EDA: variants seen among roughly 807,000 people sequenced by gnomAD.
The protein encoded by EDA is ectodysplasin A.
EDA carries 2 observed loss-of-function variants against 23.6 expected under a neutral mutation model. That is an observed-to-expected ratio of 0.08 (90% confidence interval 0.03 to 0.27). The LOEUF (loss-of-function observed/expected upper bound fraction) is 0.27, where lower values mean the gene tolerates loss of function less well. EDA is among the 10% of genes least tolerant of loss of function. The pLI is 1.00. For synonymous variants in EDA, 131 were observed against 132.0 expected, an observed-to-expected ratio of 0.99 and a Z score of 0.05; for missense variants, 229 against 324.2, an observed-to-expected ratio of 0.71 and a Z score of 2.26.
chrX:69,675,350 G>A (rs1432785311), intron 1 of EDA, among the ~76,000 whole-genome samples: 1 of 111,583 alleles, frequency 9.0e-6, no homozygotes, highest in Non-Finnish European at 1.9e-5. Context: ...CTTCAGATTT[G>A]CATTTCATTT....
chrX:69,786,175 G>T (rs1348594400), intron 1 of EDA, among the ~76,000 whole-genome samples: 1 of 110,045 alleles, frequency 9.1e-6, no homozygotes, highest in African/African-American at 3.3e-5. Context: ...CTATTTTATT[G>T]TCTCTTTTTT....
At chrX:69,918,200 A>C (rs1308359244) in intron 1 of EDA, among the ~76,000 whole-genome samples, 3 of 88,895 alleles carry the variant, frequency 3.4e-5, no homozygotes, top group African/African-American at 1.4e-4. Flanking sequence ...TCTGTCACCC[A>C]GGCTGGAGTG....
intron 3 of EDA, among the ~76,000 whole-genome samples, chrX:70,026,484 G>C (rs1488952709): frequency 2.7e-5 from 3 of 111,918 alleles, no homozygotes; most frequent in African/African-American, 9.8e-5. Context: ...TCTGAGGAAA[G>C]ACTTTGGGAA....
intron 1 of EDA, among the ~76,000 whole-genome samples, chrX:69,703,391 C>T (rs897851994): frequency 2.7e-5 from 3 of 111,877 alleles, no homozygotes; most frequent in African/African-American, 9.8e-5. Context: ...AGGGTGGAGG[C>T]GTAGGTCCAC....
intron 1 of EDA, among the ~76,000 whole-genome samples, chrX:69,814,693 G>C (rs973803768): frequency 1.8e-5 from 2 of 111,982 alleles, no homozygotes; most frequent in Non-Finnish European, 1.9e-5. Flanking sequence ...TTGACCAACA[G>C]AGAATGAAGA....
intron 1 of EDA, among the ~76,000 whole-genome samples, chrX:69,668,311 G>A (rs1333532015): frequency 9.0e-6 from 1 of 111,178 alleles, no homozygotes; most frequent in African/African-American, 3.3e-5. Flanking sequence ...TATAATTATG[G>A]TCTAAAGTGA....
intron 1 of EDA, among the ~76,000 whole-genome samples, chrX:69,701,904 A>T (rs1452435785): frequency 2.7e-5 from 3 of 111,160 alleles, no homozygotes; most frequent in Non-Finnish European, 5.7e-5. Flanking sequence ...CCTCTGCGCC[A>T]GTAGGCTGGG....
chrX:69,834,912 G>A (rs1373548967), intron 1 of EDA, among the ~76,000 whole-genome samples: 1 of 111,415 alleles, frequency 9.0e-6, no homozygotes, highest in African/African-American at 3.3e-5. Flanking sequence ...AGGCCTGGTG[G>A]TGACAAAATC....
chrX:69,637,986 T>C (rs1932797722), intron 1 of EDA, among the ~76,000 whole-genome samples: 1 of 111,175 alleles, frequency 9.0e-6, no homozygotes, highest in Non-Finnish European at 1.9e-5. Context: ...GAGAGCCTTC[T>C]CATGGGCACC....
At chrX:69,662,162 G>T (rs770033989) in intron 1 of EDA, among the ~76,000 whole-genome samples, 163 of 111,595 alleles carry the variant, frequency 1.5e-3, no homozygotes, top group Admixed American at 4.4e-3. Context: ...AATCACTGTT[G>T]TGTTCTCTAT....
intron 1 of EDA, among the ~76,000 whole-genome samples, chrX:69,641,570 C>T (rs145384966): frequency 1.5e-4 from 17 of 111,772 alleles, no homozygotes; most frequent in Non-Finnish European, 3.0e-4. Context: ...ACTTCTAAGC[C>T]ATGCCAGTCA....
chrX:69,945,511 A>G (rs989355962), intron 1 of EDA, among the ~76,000 whole-genome samples: 7 of 112,277 alleles, frequency 6.2e-5, no homozygotes, highest in African/African-American at 2.3e-4. Context: ...AAGCTCTGTG[A>G]AAGAGATTAG....
In EDA at chrX:69,897,831, TCAGTA is replaced by T. The variant is rs987411394; in HGVS notation, c.397-59192_397-59188del. On this transcript the variant is annotated intron_variant, in intron 1 of 7. Transcript: ENST00000374552. ...GAGCTTGATCCTATTGCCTGCTTAT[TCAGTA>T]CAGACAGAAACACTGGGAAGCACTA... Among the ~76,000 whole-genome samples the T allele has an allele frequency of 8.0e-5, 9 of 111,846 alleles. No individual in the cohort carries two copies. In the East Asian group the frequency reaches 2.5e-3, roughly 32 times the overall value.
chrX:69,758,174 C>G (rs1286953723), intron 1 of EDA, among the ~76,000 whole-genome samples: 2 of 112,410 alleles, frequency 1.8e-5, no homozygotes, highest in Non-Finnish European at 3.8e-5. Context: ...TACTTTCAAA[C>G]ATCGGGTATA....
At chrX:69,729,120 A>G (rs2012920093) in intron 1 of EDA, 1 of 111,180 alleles carries the variant, frequency 9.0e-6, no homozygotes, top group East Asian at 2.8e-4. Context: ...AGTTTCTGTC[A>G]TATCTCTCCT....
At chrX:69,806,297 A>T (rs934685237) in intron 1 of EDA, among the ~76,000 whole-genome samples, 2 of 111,431 alleles carry the variant, frequency 1.8e-5, no homozygotes, top group Non-Finnish European at 3.8e-5. Context: ...TATAATGGGG[A>T]AAGATCATTT....
At chrX:69,733,268 A>C (rs746870110) in intron 1 of EDA, among the ~76,000 whole-genome samples, 1 of 111,819 alleles carries the variant, frequency 8.9e-6, no homozygotes, top group Non-Finnish European at 1.9e-5. Context: ...ATCTTGTATT[A>C]ATTTTTGTAT....
At chrX:70,026,911 C>T (rs1035130671) in intron 3 of EDA, among the ~76,000 whole-genome samples, 1 of 109,970 alleles carries the variant, frequency 9.1e-6, no homozygotes, top group African/African-American at 3.3e-5. Context: ...AAAACTCCTT[C>T]CCATTCCTCA....
chrX:69,789,248 G>A (rs968331456), intron 1 of EDA, among the ~76,000 whole-genome samples: 23 of 111,949 alleles, frequency 2.1e-4, no homozygotes, highest in African/African-American at 5.8e-4. Context: ...GAAATCACCC[G>A]TCTTCTGCAT....
Sources: gnomAD v4.1 joint callset for allele counts (sites outside exome capture counted in the v4.1 genomes callset) on GRCh38, gnomAD v4.1.1 for gene constraint, MANE v1.5 for transcripts, NCBI Gene and HGNC (gene_info 2026-07-23, HGNC 2026-07-21) for gene names.